HIRA: variants seen among roughly 807,000 people sequenced by gnomAD.
HIRA encodes protein HIRA.
A neutral mutation model predicts 126.6 loss-of-function variants in HIRA; 13 were observed. That is an observed-to-expected ratio of 0.10 (90% CI 0.07 to 0.16). HIRA has a LOEUF of 0.16. Among genes scored for constraint, HIRA ranks in the 10% least tolerant of loss-of-function variants. The pLI, the probability that HIRA is intolerant of heterozygous loss-of-function variation, is 1.00. For missense variants in HIRA, 834 were observed against 1,314.4 expected (o/e 0.63, Z 5.65); for synonymous variants, 511 against 520.0 (o/e 0.98, Z 0.24).
intron 24 of HIRA, among the ~76,000 whole-genome samples, chr22:19,347,618 A>C (rs2088701010): frequency 6.6e-6 from 1 of 152,188 alleles, no homozygotes. Context: ...ATCCATGAGG[A>C]AGAAGCTAGG....
intron 20 of HIRA, among the ~76,000 whole-genome samples, 176 bp downstream of exon 20, chr22:19,356,054 C>T (rs1556012461): frequency 6.6e-6 from 1 of 152,186 alleles, no homozygotes; most frequent in South Asian, 2.1e-4. Flanking sequence ...CTCTTGGGGA[C>T]CCATTCAAAC....
intron 5 of HIRA, among the ~76,000 whole-genome samples, chr22:19,404,551 A>G (rs2146238758): frequency 6.6e-6 from 1 of 152,290 alleles, no homozygotes; most frequent in Non-Finnish European, 1.5e-5. Flanking sequence ...TATGGCCGCC[A>G]CCAAGATGGG....
At chr22:19,358,031 G>A (rs1366862255) in intron 18 of HIRA, among the ~76,000 whole-genome samples, 5 of 152,130 alleles carry the variant, frequency 3.3e-5, no homozygotes, top group African/African-American at 9.6e-5. Flanking sequence ...ACAGAGTCTC[G>A]GTCTGTCGCC....
chr22:19,365,572 T>C (rs755150207), intron 15 of HIRA, among the ~76,000 whole-genome samples: 2 of 152,218 alleles, frequency 1.3e-5, no homozygotes, highest in Non-Finnish European at 2.9e-5. Context: ...TGAAGCCCAA[T>C]GTTGACACCT....
chr22:19,427,049 A>G (rs2089493881), intron 1 of HIRA, among the ~76,000 whole-genome samples: 1 of 152,242 alleles, frequency 6.6e-6, no homozygotes, highest in Non-Finnish European at 1.5e-5. Flanking sequence ...GAACTGTAAG[A>G]CAAATACACC....
chr22:19,401,975 G>A (rs749374705), intron 5 of HIRA, among the ~76,000 whole-genome samples: 3 of 151,968 alleles, frequency 2.0e-5, no homozygotes, highest in East Asian at 1.9e-4. Flanking sequence ...CTCCTCCCCC[G>A]CCCCAGCTCC....
chr22:19,362,947 A>G (rs1394121693), intron 15 of HIRA, among the ~76,000 whole-genome samples: 1 of 151,666 alleles, frequency 6.6e-6, no homozygotes, highest in African/African-American at 2.4e-5. Flanking sequence ...AAAAAAAAAG[A>G]ATAAGGCCGG....
chr22:19,356,787 C>T (rs1452019009), intron 19 of HIRA, 103 bp downstream of exon 19: 4 of 1,198,026 alleles, frequency 3.3e-6, no homozygotes, highest in East Asian at 4.9e-5. Context: ...GGCCTGATGG[C>T]CAGCCTTGTC....
chr22:19,352,478 C>A (rs1270512846), intron 23 of HIRA, among the ~76,000 whole-genome samples: 1 of 152,052 alleles, frequency 6.6e-6, no homozygotes, highest in East Asian at 1.9e-4. Context: ...ACATCAAATT[C>A]ATCATCGTGG....
At chr22:19,365,462 C>CA (rs2088903964) in intron 15 of HIRA, among the ~76,000 whole-genome samples, 2 of 152,122 alleles carry the variant, frequency 1.3e-5, no homozygotes, top group Admixed American at 1.3e-4. Flanking sequence ...TTAACTATTC[C>CA]AAAAATCCTA....
At chr22:19,413,230 C>G (rs1806265484) in intron 1 of HIRA, among the ~76,000 whole-genome samples, 1 of 152,104 alleles carries the variant, frequency 6.6e-6, no homozygotes, top group Admixed American at 6.6e-5. Flanking sequence ...GATTCACATT[C>G]TGGCTCCACA....
At chr22:19,382,859 C>T (rs1181496634) in intron 13 of HIRA, among the ~76,000 whole-genome samples, 3 of 149,404 alleles carry the variant, frequency 2.0e-5, no homozygotes, top group Admixed American at 6.7e-5. Context: ...ACTGGGACAA[C>T]AGCAAGTGGT....
At chr22:19,345,918 C>A (rs1416654599) in intron 24 of HIRA, among the ~76,000 whole-genome samples, 1 of 152,196 alleles carries the variant, frequency 6.6e-6, no homozygotes, top group African/African-American at 2.4e-5. Flanking sequence ...GAAATCTGAA[C>A]CTTTGGTGTC....
At chr22:19,426,445 C>T (rs901260109) in intron 1 of HIRA, among the ~76,000 whole-genome samples, 16 of 152,190 alleles carry the variant, frequency 1.1e-4, no homozygotes, top group Non-Finnish European at 1.6e-4. Context: ...TGTGCTGTAG[C>T]GCCTTCTCTG....
At chr22:19,356,865 A>G in intron 19 of HIRA, 25 bp downstream of exon 19, 1 of 1,611,878 alleles carries the variant, frequency 6.2e-7, no homozygotes, top group South Asian at 1.1e-5. Context: ...GCTGAAGCCC[A>G]CCCCACCCTG....
chr22:19,389,582 C>T (rs1161643647), intron 9 of HIRA, among the ~76,000 whole-genome samples: 1 of 152,164 alleles, frequency 6.6e-6, no homozygotes, highest in East Asian at 1.9e-4. Flanking sequence ...CTGGAACCCA[C>T]ATTAAGAATC....
At chr22:19,412,408 CTG>C (rs2089361150) in intron 1 of HIRA, among the ~76,000 whole-genome samples, 1 of 152,210 alleles carries the variant, frequency 6.6e-6, no homozygotes. Flanking sequence ...AATAATAAAA[CTG>C]TTATTGGTTT....
chr22:19,399,431 C>T (rs1282571946), intron 5 of HIRA, among the ~76,000 whole-genome samples: 5 of 150,576 alleles, frequency 3.3e-5, no homozygotes, highest in African/African-American at 9.8e-5. Context: ...ATCTTCACAG[C>T]TTCTTTCCTT....
rs747997485 is a variant in HIRA at position 19,397,979 on chromosome 22, G to A, written c.493+13C>T. On this transcript the variant is annotated intron_variant, in intron 6 of 24. Coordinates refer to ENST00000263208, the MANE Select transcript of HIRA (RefSeq NM_003325.4). ...TACTGCTTGCTGTTAACCAGTCAGA[G>A]GAGGCCCCAGACCTGGGAACTTTAC... The A allele has an allele frequency of 1.2e-6, 2 of 1,606,744 alleles. No individual in the cohort carries two copies. The highest frequency in any genetic ancestry group is 1.1e-5 in the South Asian group (1 of 90,734).
Sources: allele counts gnomAD v4.1 joint callset (sites outside exome capture counted in the v4.1 genomes callset), GRCh38; gene constraint gnomAD v4.1.1; transcripts MANE v1.5; gene names NCBI Gene and HGNC (gene_info 2026-07-23, HGNC 2026-07-21).